Variants in VOPP1 observed in about 807,000 individuals in gnomAD.
VOPP1 encodes the protein WW domain binding protein VOPP1.
VOPP1 carries 8 observed loss-of-function variants against 23.5 expected under a neutral mutation model. The ratio of observed to expected loss-of-function variants is 0.34; its 90% CI spans 0.20 to 0.61. The LOEUF (loss-of-function observed/expected upper bound fraction) is 0.61, where lower values mean the gene tolerates loss of function less well. Ranked by LOEUF, VOPP1 falls within the 20% of genes least tolerant of loss-of-function variation. The pLI, the probability that VOPP1 is intolerant of heterozygous loss-of-function variation, is 0.78. For synonymous variants in VOPP1, 83 were observed against 97.3 expected, an observed-to-expected ratio of 0.85 and a Z score of 0.86; for missense variants, 174 against 238.1, an observed-to-expected ratio of 0.73 and a Z score of 1.77.
rs890259261 is a variant in VOPP1 at position 55,572,482 on chromosome 7, G to A, written c.-158C>T. 6.8e-6 allele frequency: 2 copies of A among 294,292 alleles called. No homozygotes were observed. Among genetic ancestry groups the A allele is most frequent in the Non-Finnish European group, 9.9e-6 (2 of 201,458 alleles). The allele number at this position is 294,292 out of a possible 1,614,324, so 18.2% of individuals were successfully genotyped here. On this transcript the variant is annotated 5_prime_UTR_variant, in exon 1 of 5. Transcript: ENST00000285279. The stretch of plus-strand genomic sequence containing the variant: ...GAGCGGGCGGGAGCCGGGGCGCGCC[G>A]CGCAGCCCTGGCTGCGCTCCGCCCC...
chr7:55,572,229 T>A, intron 1 of VOPP1, 42 bp downstream of exon 1: 1 of 1,483,310 alleles, frequency 6.7e-7, no homozygotes, highest in African/African-American at 1.5e-5. Context: ...GCCAGCATGG[T>A]GGGCGCCGCG....
chr7:55,487,749 C>T (rs969639254), intron 4 of VOPP1, among the ~76,000 whole-genome samples: 8 of 152,190 alleles, frequency 5.3e-5, no homozygotes, highest in African/African-American at 1.9e-4. Flanking sequence ...CATAATATTC[C>T]ACAAAGAAGA....
intron 1 of VOPP1, among the ~76,000 whole-genome samples, chr7:55,546,556 G>A (rs993325197): frequency 2.0e-5 from 3 of 152,222 alleles, no homozygotes; most frequent in African/African-American, 7.2e-5. Flanking sequence ...GGCAAATGCA[G>A]CATGGCAATG....
intron 4 of VOPP1, among the ~76,000 whole-genome samples, chr7:55,440,315 G>A (rs1790932137): frequency 6.6e-6 from 1 of 152,238 alleles, no homozygotes; most frequent in Non-Finnish European, 1.5e-5. Flanking sequence ...CCTGGCATCA[G>A]TTTCTGGGGT....
chr7:55,492,177 T>C, intron 4 of VOPP1, 105 bp downstream of exon 4: 1 of 1,421,758 alleles, frequency 7.0e-7, no homozygotes, highest in Non-Finnish European at 9.3e-7. Flanking sequence ...ATAACACACC[T>C]GAGCGCTCTC....
At chr7:55,482,679 C>T (rs1165995633) in intron 4 of VOPP1, among the ~76,000 whole-genome samples, 1 of 151,836 alleles carries the variant, frequency 6.6e-6, no homozygotes, top group Non-Finnish European at 1.5e-5. Context: ...GTATTAGGCA[C>T]CCAGCCTTCA....
intron 3 of VOPP1, among the ~76,000 whole-genome samples, chr7:55,493,500 G>A (rs970871523): frequency 1.4e-4 from 21 of 152,226 alleles, no homozygotes; most frequent in South Asian, 8.3e-4. Context: ...CAGTCCAAAA[G>A]TATTTACTGG....
chr7:55,485,836 C>T (rs561235513), intron 4 of VOPP1, among the ~76,000 whole-genome samples: 7 of 152,348 alleles, frequency 4.6e-5, no homozygotes, highest in South Asian at 2.1e-4. Context: ...TTCCCTCATC[C>T]GCCCCTCGGA....
At position 55,567,916 on chromosome 7, in the gene VOPP1, T is replaced by C. The variant is rs915647947; in HGVS notation, c.54+4355A>G. 2.6e-5 allele frequency among the ~76,000 whole-genome samples: 4 copies of C among 152,056 alleles called. No individual in the cohort carries two copies. The East Asian group carries it at 7.7e-4, about 29-fold the overall frequency. ...TGGAATTCCAGGGCACAAAAGACAT[T>C]TGGCAAGAGACAAAAAACACTCTTA... On this transcript the variant is annotated intron_variant, in intron 1 of 4. Coordinates refer to ENST00000285279, the MANE Select transcript of VOPP1 (RefSeq NM_030796.5).
chr7:55,530,704 T>C (rs901022021), intron 1 of VOPP1: 1 of 152,222 alleles, frequency 6.6e-6, no homozygotes, highest in African/African-American at 2.4e-5. Flanking sequence ...AGATTTATTG[T>C]AGGCATTATT....
At chr7:55,543,358 C>A (rs1191780183) in intron 1 of VOPP1, among the ~76,000 whole-genome samples, 1 of 152,172 alleles carries the variant, frequency 6.6e-6, no homozygotes, top group Admixed American at 6.5e-5. Context: ...CATGGGAGTA[C>A]AAATATCTCT....
At chr7:55,435,549 G>A (rs116641383), downstream of VOPP1, among the ~76,000 whole-genome samples, 727 of 152,346 alleles carry the variant, frequency 4.8e-3, 7 homozygotes, top group African/African-American at 0.017. Context: ...GTGGGCATAG[G>A]AAGTGGTGGT....
intron 3 of VOPP1, 62 bp downstream of exon 3, chr7:55,497,551 T>C: frequency 9.5e-7 from 1 of 1,048,004 alleles, no homozygotes; most frequent in South Asian, 1.5e-5. Flanking sequence ...GTGACAACAC[T>C]GATGGGGGGG....
At chr7:55,475,551 G>C (rs1372070376) in intron 4 of VOPP1, among the ~76,000 whole-genome samples, 1 of 152,176 alleles carries the variant, frequency 6.6e-6, no homozygotes, top group East Asian at 1.9e-4. Flanking sequence ...AGGAGCGACA[G>C]GCCCACTGGT....
At chr7:55,503,303 C>T (rs1794493557) in intron 2 of VOPP1, among the ~76,000 whole-genome samples, 1 of 152,132 alleles carries the variant, frequency 6.6e-6, no homozygotes, top group African/African-American at 2.4e-5. Context: ...CAAACAAATG[C>T]AAACAACAGG....
intron 4 of VOPP1, among the ~76,000 whole-genome samples, chr7:55,442,922 C>T (rs1791002758): frequency 2.0e-5 from 3 of 152,002 alleles, no homozygotes; most frequent in Admixed American, 2.0e-4. Context: ...CGAGACCATC[C>T]TGCCTAACAC....
chr7:55,475,085 G>C (rs1336965754), intron 4 of VOPP1, among the ~76,000 whole-genome samples: 1 of 152,236 alleles, frequency 6.6e-6, no homozygotes, highest in Non-Finnish European at 1.5e-5. Context: ...AAGACTGTAG[G>C]AGGGGACGGG....
chr7:55,453,060 C>G (rs534310982), intron 4 of VOPP1, among the ~76,000 whole-genome samples: 2 of 152,018 alleles, frequency 1.3e-5, no homozygotes, highest in African/African-American at 4.8e-5. Flanking sequence ...ACTCTGTTGT[C>G]GAGTGTAGCC....
intron 4 of VOPP1, among the ~76,000 whole-genome samples, chr7:55,449,846 G>A (rs532922574): frequency 1.3e-5 from 2 of 152,194 alleles, no homozygotes; most frequent in African/African-American, 2.4e-5. Flanking sequence ...CCCTCAACAC[G>A]CCTACTTCTG....
Sources: gnomAD v4.1 joint callset for allele counts (sites outside exome capture counted in the v4.1 genomes callset) on GRCh38, gnomAD v4.1.1 for gene constraint, MANE v1.5 for transcripts, NCBI Gene and HGNC (gene_info 2026-07-23, HGNC 2026-07-21) for gene names.